The following DNPEP variants were observed in gnomAD, a reference collection of about 807,000 sequenced individuals.
The protein encoded by DNPEP is aspartyl aminopeptidase.
Under a neutral mutation model 59.1 loss-of-function variants are expected in DNPEP, and 46 were observed. The observed-to-expected ratio is 0.78, with a 90% CI of 0.61 to 0.99. The LOEUF is 0.99. Among genes scored for constraint, DNPEP ranks in the 50% least tolerant of loss-of-function variants. DNPEP has a pLI of 0.00. For missense variants in DNPEP, 617 were observed against 649.9 expected (o/e 0.95, Z 0.55); for synonymous variants, 229 against 242.2 (o/e 0.95, Z 0.50).
chr2:219,386,858 AC>A (rs754420598), intron 3 of DNPEP, 33 bp downstream of exon 3: 1 of 1,610,248 alleles, frequency 6.2e-7, no homozygotes, highest in Non-Finnish European at 8.5e-7. Flanking sequence ...CAGCCTAGGG[AC>A]CTGCCTTTCC....
chr2:219,394,337 C>G (rs866187269), intron 1 of DNPEP, among the ~76,000 whole-genome samples: 10 of 152,230 alleles, frequency 6.6e-5, no homozygotes, highest in Middle Eastern at 3.2e-3. Flanking sequence ...TGGGAACACT[C>G]TCTTCACTTG....
chr2:219,389,311 C>A (rs2125148549), upstream of DNPEP, among the ~76,000 whole-genome samples: 1 of 152,216 alleles, frequency 6.6e-6, no homozygotes, highest in Non-Finnish European at 1.5e-5. Context: ...AGATCCAAAA[C>A]AGGGCCCAGC....
Position 219,387,881 on chromosome 2 carries a change from C to A in DNPEP, c.-87G>T. 2 of 1,452,670 alleles carry A rather than the reference C, an allele frequency of 1.4e-6. No individual in the cohort carries two copies. The highest frequency in any genetic ancestry group is 1.4e-5 in the South Asian group (1 of 72,992). The allele number at this position is 1,452,670 out of a possible 1,614,324, so 90.0% of individuals were successfully genotyped here. On this transcript the variant is annotated 5_prime_UTR_variant, in exon 1 of 15. Coordinates refer to ENST00000273075, the MANE Select transcript of DNPEP (RefSeq NM_012100.4). ...AGGTCCCCCGCGTGCCCCTTCAGGCCGCGCCGCACTCGTAGGCCTTCATCA... is the reference window on the plus strand; with the variant it reads ...AGGTCCCCCGCGTGCCCCTTCAGGCAGCGCCGCACTCGTAGGCCTTCATCA...
At chr2:219,385,850 C>T in intron 6 of DNPEP, 118 bp downstream of exon 6, 1 of 1,483,198 alleles carries the variant, frequency 6.7e-7, no homozygotes, top group East Asian at 2.4e-5. Context: ...CTGTGAGGAC[C>T]CTTAGAAATT....
chr2:219,375,596 G>GC (rs1195187964), intron 13 of DNPEP, among the ~76,000 whole-genome samples: 5 of 151,918 alleles, frequency 3.3e-5, no homozygotes, highest in Admixed American at 1.3e-4. Flanking sequence ...GAGTCTCCCT[G>GC]CGATGCCCAG....
chr2:219,385,728 G>T (rs149080839), intron 6 of DNPEP, 22 bp from the exon 7 acceptor site: 2 of 1,583,870 alleles, frequency 1.3e-6, no homozygotes, highest in Admixed American at 1.8e-5. Context: ...CGTGGGTTGT[G>T]GGGGGATTGC....
chr2:219,387,269 G>A, intron 1 of DNPEP, 106 bp from the exon 2 acceptor site: 1 of 1,475,782 alleles, frequency 6.8e-7, no homozygotes, highest in Non-Finnish European at 9.0e-7. Context: ...ACCACTCTAA[G>A]GCACAGACCT....
chr2:219,386,245 T>C, intron 5 of DNPEP, 41 bp downstream of exon 5: 1 of 1,613,614 alleles, frequency 6.2e-7, no homozygotes, highest in Non-Finnish European at 8.5e-7. Flanking sequence ...TGGCAGTCAG[T>C]CTTCTGAGGA....
At chr2:219,387,468 C>A in intron 1 of DNPEP, 1 of 1,433,840 alleles carries the variant, frequency 7.0e-7, no homozygotes, top group Non-Finnish European at 9.2e-7. Context: ...ACTCCGGGAT[C>A]CCAAGCGGGC....
chr2:219,395,096 G>A (rs1954075393), intron 1 of DNPEP, among the ~76,000 whole-genome samples: 1 of 151,912 alleles, frequency 6.6e-6, no homozygotes, highest in Admixed American at 6.6e-5. Context: ...TTACAGACAT[G>A]CACCACCATG....
chr2:219,399,315 A>G, intron 1 of DNPEP: 1 of 378,444 alleles, frequency 2.6e-6, no homozygotes, highest in South Asian at 1.9e-5. Flanking sequence ...TCAAACAGAA[A>G]CCGACCCACC....
chr2:219,374,717 C>A (rs1367176567), intron 14 of DNPEP, 138 bp downstream of exon 14: 42 of 1,055,348 alleles, frequency 4.0e-5, no homozygotes, highest in Non-Finnish European at 5.7e-5. Context: ...CCTTGTTTTC[C>A]TACATGGCCC....
At chr2:219,378,827 A>G (rs1953474664) in intron 13 of DNPEP, among the ~76,000 whole-genome samples, 1 of 151,520 alleles carries the variant, frequency 6.6e-6, no homozygotes, top group Non-Finnish European at 1.5e-5. Context: ...GTATAAAAGC[A>G]TAACACGTGC....
rs189141825 is a variant in DNPEP at position 219,381,652 on chromosome 2, C to A, written c.1098-68G>T. On this transcript the variant is annotated intron_variant, in intron 11 of 14. Coordinates refer to ENST00000273075, the MANE Select transcript of DNPEP (RefSeq NM_012100.4). ...GGCCTGTCGACACTCACCACCCTCC[C>A]ATGGCAGACATCACTAATAGATCAC... 6,970 of 1,498,316 alleles carry A rather than the reference C, an allele frequency of 4.7e-3. 18 individuals carry two copies. Among genetic ancestry groups the A allele is most frequent in the Non-Finnish European group, 5.7e-3 (6,144 of 1,075,282 alleles). The allele number at this position is 1,498,316 out of a possible 1,614,324, so 92.8% of individuals were successfully genotyped here.
upstream of DNPEP, among the ~76,000 whole-genome samples, chr2:219,388,241 C>A (rs1255898346): frequency 6.8e-6 from 1 of 147,326 alleles, no homozygotes; most frequent in African/African-American, 2.5e-5. Context: ...TGTCCCGCCC[C>A]TCACCAGGTT....
chr2:219,388,668 C>T (rs919255048), upstream of DNPEP: 13 of 985,358 alleles, frequency 1.3e-5, no homozygotes, highest in Non-Finnish European at 1.6e-5. Context: ...CCCCGGGCCT[C>T]GAGGCCAATA....
chr2:219,385,807 T>G (rs1348434942), intron 6 of DNPEP, 101 bp from the exon 7 acceptor site: 3 of 1,415,272 alleles, frequency 2.1e-6, no homozygotes, highest in Middle Eastern at 2.1e-4. Context: ...GCCTCTGCCC[T>G]TCAATTCCCA....
chr2:219,381,440 G>A lies in DNPEP; in HGVS notation c.1138-4C>T. ...TGTTCACCTTGATCACGGGGCCCTG[G>A]GGAGAGTCAAGGTGAGGCAGAGGTA... On this transcript the variant is annotated splice_region_variant and splice_polypyrimidine_tract_variant and intron_variant, in intron 12 of 14. Transcript: ENST00000273075. 6.2e-7 allele frequency: 1 copy of A among 1,614,224 alleles called. No homozygotes were observed.
intron 13 of DNPEP, among the ~76,000 whole-genome samples, chr2:219,378,503 T>C (rs1456375876): frequency 6.6e-6 from 1 of 152,202 alleles, no homozygotes; most frequent in African/African-American, 2.4e-5. Context: ...GAGTGAACAC[T>C]GTGCAGCAGA....
Sources: allele counts gnomAD v4.1 joint callset (sites outside exome capture counted in the v4.1 genomes callset), GRCh38; gene constraint gnomAD v4.1.1; transcripts MANE v1.5; gene names NCBI Gene and HGNC (gene_info 2026-07-23, HGNC 2026-07-21).